GRIK5: variants seen among roughly 807,000 people sequenced by gnomAD.
GRIK5 encodes glutamate ionotropic receptor kainate type subunit 5.
In GRIK5, 43 loss-of-function variants were observed where a neutral mutation model predicts 97.4. The observed-to-expected ratio is 0.44, with a 90% CI of 0.35 to 0.57. The LOEUF (loss-of-function observed/expected upper bound fraction) is 0.57, where lower values mean the gene tolerates loss of function less well. GRIK5 is among the 20% of genes least tolerant of loss of function. The pLI is 0.01. For synonymous variants in GRIK5, 580 were observed against 583.5 expected (o/e 0.99, Z 0.09); for missense variants, 1,015 against 1,382.0 (o/e 0.73, Z 4.21).
chr19:42,003,724 T>C lies in GRIK5; in HGVS notation c.2264-41A>G, dbSNP rs372743669. On this transcript the variant is annotated intron_variant, in intron 17 of 19. Coordinates refer to ENST00000593562, the MANE Select transcript of GRIK5 (RefSeq NM_002088.5). This position sits in a 1 kb window ranked among gnomAD's most constrained non-coding sequence, Gnocchi z 4.2. ...AGGGGCTGGACCAGCCATCGGGCCC[T>C]GCAGCCCTGACCGCCCCAAACCCCA... The C allele has an allele frequency of 1.4e-5, 22 of 1,557,350 alleles. No individual in the cohort carries two copies. The African/African-American group carries it at 1.6e-4, about 12-fold the overall frequency.
intron 12 of GRIK5, among the ~76,000 whole-genome samples, chr19:42,038,823 G>A (rs1339187283): frequency 2.0e-5 from 3 of 152,314 alleles, no homozygotes; most frequent in Admixed American, 6.5e-5. Flanking sequence ...TTGTGATGAC[G>A]GTGGTGACTA....
intron 17 of GRIK5, among the ~76,000 whole-genome samples, chr19:42,005,261 A>G: frequency 6.6e-6 from 1 of 151,570 alleles, no homozygotes; most frequent in Non-Finnish European, 1.5e-5. Context: ...AAAAAAACAA[A>G]ACACCAAACT....
intron 12 of GRIK5, among the ~76,000 whole-genome samples, chr19:42,027,491 G>C (rs980446281): frequency 1.3e-5 from 2 of 152,222 alleles, no homozygotes; most frequent in Admixed American, 6.5e-5. Context: ...AGGGCCTTGC[G>C]GGCCACAGTA....
intron 9 of GRIK5, 115 bp from the exon 10 acceptor site, chr19:42,054,044 G>T (rs2076150176): frequency 1.4e-6 from 1 of 716,032 alleles, no homozygotes; most frequent in Admixed American, 2.4e-5. Flanking sequence ...CGGGGTGGAG[G>T]GGACAAGAGA....
In GRIK5 at chr19:42,022,053, G is replaced by A. The variant is rs1249974450; in HGVS notation, c.1591C>T (p.Arg531Cys). ...AGGAAGGAGAAGTAGCCAGGCTTGC[G>A]GCCCTGTGGGGAGAGGGAGTGAGAC... is the stretch of plus-strand genomic sequence containing the variant. ...ISILYRVHMG[R>C]KPGYFSFLDP... Residue 531 changes from arginine (R) to cysteine (C), a missense_variant, in exon 14 of 20, where the codon CGC becomes TGC. This residue lies in a region of GRIK5 where 477 missense variants were observed against 701.1 expected (regional missense o/e 0.68). Transcript: ENST00000593562. This position sits in a 1 kb window ranked among gnomAD's most constrained non-coding sequence, Gnocchi z 4.2. 5 of 1,607,894 alleles carry A rather than the reference G, an allele frequency of 3.1e-6. No individual in the cohort carries two copies. The highest frequency in any genetic ancestry group is 1.7e-5 in the Admixed American group (1 of 59,620).
intron 1 of GRIK5, chr19:42,068,768 G>C (rs1297503245): frequency 1.9e-6 from 1 of 531,626 alleles, no homozygotes; most frequent in Non-Finnish European, 3.4e-6. Flanking sequence ...AGTCAGAGAG[G>C]GGCCCAAGAG....
At chr19:42,043,864 T>C (rs2076010268) in intron 11 of GRIK5, among the ~76,000 whole-genome samples, 2 of 152,150 alleles carry the variant, frequency 1.3e-5, no homozygotes, top group South Asian at 4.1e-4. Flanking sequence ...GAGCTATGAC[T>C]GTACCACTGC....
Position 42,021,397 on chromosome 19 carries a change from A to G in GRIK5, c.1775T>C (p.Leu592Pro). Residue 592 changes from leucine (L) to proline (P), a missense_variant, in exon 15 of 20, where the codon CTG (leucine) becomes CCG (proline). Coordinates refer to ENST00000593562, the MANE Select transcript of GRIK5 (RefSeq NM_002088.5). The surrounding 1 kb of genome is among the most constrained non-coding windows in gnomAD (Gnocchi z 4.2). ...CACGGGAAACCACAGGCTGTTGCCC[A>G]GCGTGTACTGGTTCTCCAGGATGTG... is the stretch of plus-strand genomic sequence containing the variant. ...RPHILENQYT[L>P]GNSLWFPVGG... The G allele has an allele frequency of 6.2e-7, 1 of 1,613,050 alleles. No individual in the cohort carries two copies. The highest frequency in any genetic ancestry group is 8.5e-7 in the Non-Finnish European group (1 of 1,179,538).
At chr19:42,025,323 G>A (rs2075756792) in intron 12 of GRIK5, among the ~76,000 whole-genome samples, 1 of 152,148 alleles carries the variant, frequency 6.6e-6, no homozygotes, top group African/African-American at 2.4e-5. Flanking sequence ...GTTGACCCTT[G>A]GATTCGGAAC....
At chr19:42,052,202 A>G (rs2076125626) in intron 11 of GRIK5, among the ~76,000 whole-genome samples, 1 of 152,178 alleles carries the variant, frequency 6.6e-6, no homozygotes, top group African/African-American at 2.4e-5. Flanking sequence ...GAGGAGAAGC[A>G]GGGAGGAGAG....
intron 12 of GRIK5, among the ~76,000 whole-genome samples, chr19:42,039,972 C>T (rs2075958716): frequency 6.6e-6 from 1 of 151,738 alleles, no homozygotes; most frequent in Non-Finnish European, 1.5e-5. Context: ...AGAGAGAGAC[C>T]CAGTCTCAAA....
chr19:42,063,834 T>C (rs1208933851), intron 3 of GRIK5, among the ~76,000 whole-genome samples: 1 of 152,214 alleles, frequency 6.6e-6, no homozygotes, highest in African/African-American at 2.4e-5. Context: ...TCCTTAGGTC[T>C]TTTAGTGACA....
intron 11 of GRIK5, among the ~76,000 whole-genome samples, chr19:42,048,900 G>T (rs1166696858): frequency 6.6e-6 from 1 of 151,962 alleles, no homozygotes; most frequent in Non-Finnish European, 1.5e-5. Flanking sequence ...TAATTAGCTG[G>T]GTGTGGTGGT....
chr19:42,002,370 A>C lies in GRIK5; in HGVS notation c.2514+962T>G. 2.8e-6 allele frequency: 2 copies of C among 717,608 alleles called. No homozygotes were observed. The highest frequency in any genetic ancestry group is 5.2e-6 in the Non-Finnish European group (2 of 385,096). 44.5% of individuals were successfully genotyped at this position (717,608 alleles called of 1,614,324 possible). A position where few individuals can be genotyped will look rare whatever the true frequency, so the allele number is the denominator to read the frequency against. On this transcript the variant is annotated intron_variant, in intron 19 of 19. Transcript: ENST00000593562. This position sits in a 1 kb window ranked among gnomAD's most constrained non-coding sequence, Gnocchi z 5.2. ...GTACGTTGGTGGCCTGAATCCAATA[A>C]AGAGAGGACAACTGATGCTGCAGGA...
At position 41,999,231 on chromosome 19, in the gene GRIK5, G is replaced by A. The variant is rs1555870373; in HGVS notation, c.2583C>T (p.Ser861=). ...HAVSCRKTSR[S]RRRRRPGGPS... ...GGCCGCCCGGGCGTCGGCGCCGGCG[G>A]GAACGCGACGTCTTGCGGCAAGAAA... The change falls in exon 20 of 20, where the codon TCC becomes TCT. Residue 861 remains serine, a synonymous_variant. Transcript: ENST00000593562. This position sits in a 1 kb window ranked among gnomAD's most constrained non-coding sequence, Gnocchi z 5.0. 6.6e-7 allele frequency: 1 copy of A among 1,522,340 alleles called. No individual in the cohort carries two copies. The highest frequency in any genetic ancestry group is 8.8e-7 in the Non-Finnish European group (1 of 1,141,678). The allele number at this position is 1,522,340 out of a possible 1,614,324, so 94.3% of individuals were successfully genotyped here. A position where few individuals can be genotyped will look rare whatever the true frequency, so the allele number is the denominator to read the frequency against.
rs554891928 is a variant in GRIK5 at position 42,006,254 on chromosome 19, G to A, written c.2038-306C>T. 6.6e-6 allele frequency among the ~76,000 whole-genome samples: 1 copy of A among 152,066 alleles called. No homozygotes were observed. Among genetic ancestry groups the A allele is most frequent in the African/African-American group, 2.4e-5 (1 of 41,400 alleles). On this transcript the variant is annotated intron_variant, in intron 16 of 19. Coordinates refer to ENST00000593562, the MANE Select transcript of GRIK5 (RefSeq NM_002088.5). The surrounding 1 kb of genome is among the most constrained non-coding windows in gnomAD (Gnocchi z 5.3). ...AACTCAGGCCTCCTTTAGACCACTA[G>A]GACCTCCCTGCCAAGCTTGCTTTCC...
intron 15 of GRIK5, among the ~76,000 whole-genome samples, chr19:42,019,470 C>T (rs2075670765): frequency 6.6e-6 from 1 of 152,186 alleles, no homozygotes; most frequent in Admixed American, 6.5e-5. Context: ...TAGTACATTT[C>T]ACTTGGACTG....
In GRIK5 at chr19:42,003,646, C is replaced by A; in HGVS notation, c.2301G>T (p.Leu767=). The change falls in exon 18 of 20, where the codon CTG becomes CTT. Residue 767 remains leucine (L), a synonymous_variant. Coordinates refer to ENST00000593562, the MANE Select transcript of GRIK5 (RefSeq NM_002088.5). This position sits in a 1 kb window ranked among gnomAD's most constrained non-coding sequence, Gnocchi z 4.2. ...PFRDEITLAI[L]QLQENNRLEI... ...CCAGCCGGTTGTTCTCCTGAAGCTG[C>A]AGGATGGCCAGTGTGATCTCATCCC... 1 of 1,613,636 alleles carries A rather than the reference C, an allele frequency of 6.2e-7. No homozygotes were observed.
intron 12 of GRIK5, among the ~76,000 whole-genome samples, chr19:42,040,997 T>C (rs1447871663): frequency 6.6e-6 from 1 of 152,184 alleles, no homozygotes; most frequent in Non-Finnish European, 1.5e-5. Flanking sequence ...GGGACCTGCC[T>C]GTGGGGTGGG....
Sources: gnomAD v4.1 joint callset for allele counts (sites outside exome capture counted in the v4.1 genomes callset) on GRCh38, gnomAD v4.1.1 for gene constraint, gnomAD v4.1.1 regional missense constraint, Gnocchi (gnomAD v3.1) non-coding constraint, MANE v1.5 for transcripts, NCBI Gene and HGNC (gene_info 2026-07-23, HGNC 2026-07-21) for gene names.